AFF3: variants seen among roughly 807,000 people sequenced by gnomAD.
AFF3 encodes the protein ALF transcription elongation factor 3, also known as AF4/FMR2 family member 3.
AFF3 carries 32 observed loss-of-function variants against 129.7 expected under a neutral mutation model. That is an observed-to-expected ratio of 0.25 (90% CI 0.19 to 0.33). The LOEUF (loss-of-function observed/expected upper bound fraction) is 0.33. AFF3 is among the 10% of genes least tolerant of loss of function. The pLI, the probability that AFF3 is intolerant of heterozygous loss-of-function variation, is 1.00. For missense variants in AFF3, 1,373 were observed against 1,592.0 expected (o/e 0.86, Z 2.34); for synonymous variants, 644 against 635.4 (o/e 1.01, Z -0.20).
chr2:99,866,957 C>T lies in AFF3; in HGVS notation c.874-29433G>A, dbSNP rs188027368. Among the ~76,000 whole-genome samples the T allele has an allele frequency of 1.8e-3, 229 of 130,084 alleles. 1 individual carries two copies. The highest frequency in any genetic ancestry group is 6.6e-3 in the African/African-American group (212 of 32,192). 85.3% of individuals were successfully genotyped at this position (130,084 alleles called of 152,430 possible). On this transcript the variant is annotated intron_variant, in intron 7 of 24. Coordinates refer to ENST00000672756, the MANE Select transcript of AFF3 (RefSeq NM_001386135.1). Reference sequence around the variant, plus strand: ...CACCACTGCACTCCAGCCTGGGTAACACAGCATAATAATAATAATAATAAT... The same window carrying T: ...CACCACTGCACTCCAGCCTGGGTAATACAGCATAATAATAATAATAATAAT...
intron 7 of AFF3, among the ~76,000 whole-genome samples, chr2:99,840,588 T>A: frequency 6.6e-6 from 1 of 152,320 alleles, no homozygotes; most frequent in East Asian, 1.9e-4. Context: ...TCACACCCTT[T>A]CCTATACTCA....
chr2:99,727,757 T>G (rs1310548607), intron 10 of AFF3, among the ~76,000 whole-genome samples: 1 of 152,126 alleles, frequency 6.6e-6, no homozygotes, highest in African/African-American at 2.4e-5. Flanking sequence ...AGACAGGGTT[T>G]CACCATGTTG....
chr2:100,093,794 C>T lies in AFF3; in HGVS notation c.53+10608G>A, dbSNP rs150137595. Among the ~76,000 whole-genome samples, 1,424 of 152,282 alleles carry T rather than the reference C, an allele frequency of 9.4e-3. 25 individuals are homozygous for T. Among genetic ancestry groups the T allele is most frequent in the African/African-American group, 0.032 (1,341 of 41,568 alleles). On this transcript the variant is annotated intron_variant, in intron 4 of 24. Transcript: ENST00000672756. Reference sequence around the variant, plus strand: ...CTGGGCTCTACAATATGCCGCCGCACGTGATGATCACTGGTGCTCAGGCAG... The same window carrying T: ...CTGGGCTCTACAATATGCCGCCGCATGTGATGATCACTGGTGCTCAGGCAG...
In AFF3 at chr2:99,962,757, T is replaced by A. The variant is rs540474160; in HGVS notation, c.873+43875A>T. On this transcript the variant is annotated intron_variant, in intron 7 of 24. Coordinates refer to ENST00000672756, the MANE Select transcript of AFF3 (RefSeq NM_001386135.1). ...TCTCATTTGTCTTTTCCGTTTTTTT[T>A]AAATATTAGCAACATCCACACTGAT... Among the ~76,000 whole-genome samples the A allele has an allele frequency of 9.2e-5, 14 of 151,488 alleles. No homozygotes were observed. The South Asian group carries it at 2.1e-3, about 23-fold the overall frequency.
chr2:99,889,256 G>A (rs1452903888), intron 7 of AFF3, among the ~76,000 whole-genome samples: 1 of 152,138 alleles, frequency 6.6e-6, no homozygotes, highest in African/African-American at 2.4e-5. Flanking sequence ...CCTTCAGTCA[G>A]TCTCCTGAGC....
At position 99,687,880 on chromosome 2, in the gene AFF3, T is replaced by C. The variant is rs186892407; in HGVS notation, c.1092-15291A>G. Reference sequence around the variant, plus strand: ...GTCCATTTGAAATGGAGTCTTGCTGTCACCCAGGCTGGAGTGCAGCGGCGT... The same window carrying C: ...GTCCATTTGAAATGGAGTCTTGCTGCCACCCAGGCTGGAGTGCAGCGGCGT... On this transcript the variant is annotated intron_variant, in intron 11 of 24. Coordinates refer to ENST00000672756, the MANE Select transcript of AFF3 (RefSeq NM_001386135.1). Among the ~76,000 whole-genome samples the C allele has an allele frequency of 1.8e-3, 270 of 152,316 alleles. 2 individuals are homozygous for C. The highest frequency in any genetic ancestry group is 0.01 in the Middle Eastern group (3 of 294).
chr2:99,571,822 A>C (rs1410681217), intron 18 of AFF3, among the ~76,000 whole-genome samples: 1 of 152,230 alleles, frequency 6.6e-6, no homozygotes, highest in African/African-American at 2.4e-5. Context: ...CCCAGTGTCC[A>C]GCCTTGCCAC....
chr2:99,975,519 T>C (rs1678786851), intron 7 of AFF3, among the ~76,000 whole-genome samples: 1 of 152,192 alleles, frequency 6.6e-6, no homozygotes, highest in Admixed American at 6.5e-5. Context: ...CTATGACATT[T>C]TGCCAATCAA....
chr2:99,954,220 CAA>C (rs368941309), intron 7 of AFF3, among the ~76,000 whole-genome samples: 3 of 144,690 alleles, frequency 2.1e-5, no homozygotes, highest in African/African-American at 7.6e-5. Flanking sequence ...ATGCATGGTA[CAA>C]AAAAAAAACC....
chr2:99,601,703 C>T (rs1487154254), intron 13 of AFF3, 82 bp from the exon 14 acceptor site: 12 of 1,494,688 alleles, frequency 8.0e-6, no homozygotes, highest in South Asian at 1.3e-5. Context: ...AGCTGTCATG[C>T]ACCCTAAAGA....
At chr2:99,649,995 C>T (rs573620087) in intron 12 of AFF3, among the ~76,000 whole-genome samples, 28 of 152,342 alleles carry the variant, frequency 1.8e-4, no homozygotes, top group Admixed American at 1.8e-3. Flanking sequence ...TCTGAAATCA[C>T]TTTCCCATTG....
intron 13 of AFF3, among the ~76,000 whole-genome samples, chr2:99,634,463 T>C (rs1206313535): frequency 6.6e-6 from 1 of 152,170 alleles, no homozygotes; most frequent in African/African-American, 2.4e-5. Context: ...CACTTCCTCA[T>C]TGAGGCAAGG....
intron 4 of AFF3, among the ~76,000 whole-genome samples, chr2:100,051,884 A>C (rs555621184): frequency 6.6e-6 from 1 of 152,372 alleles, no homozygotes; most frequent in Non-Finnish European, 1.5e-5. Flanking sequence ...TGATCAATTA[A>C]AGCCAAGATC....
intron 4 of AFF3, among the ~76,000 whole-genome samples, chr2:100,035,231 T>C (rs1404844083): frequency 6.6e-6 from 1 of 152,200 alleles, no homozygotes; most frequent in Non-Finnish European, 1.5e-5. Flanking sequence ...ACCAACTCTG[T>C]CAAAACAAGG....
At position 99,668,763 on chromosome 2, in the gene AFF3, T is replaced by C. The variant is rs972629206; in HGVS notation, c.1143+3775A>G. 1.5e-4 allele frequency among the ~76,000 whole-genome samples: 23 copies of C among 152,134 alleles called. No individual in the cohort carries two copies. The Middle Eastern group carries it at 0.01, about 67-fold the overall frequency. ...TTTTGGTAGAGAGGGGGTTTCTTCA[T>C]GTTGGTCAGGCTGGTCTTGAACTCC... On this transcript the variant is annotated intron_variant, in intron 12 of 24. Coordinates refer to ENST00000672756, the MANE Select transcript of AFF3 (RefSeq NM_001386135.1).
At chr2:99,677,472 C>A (rs1249248515) in intron 11 of AFF3, among the ~76,000 whole-genome samples, 1 of 152,060 alleles carries the variant, frequency 6.6e-6, no homozygotes, top group Non-Finnish European at 1.5e-5. Context: ...TGCGATTAAG[C>A]GATTGAGATT....
At chr2:99,908,297 C>G (rs1046899580) in intron 7 of AFF3, among the ~76,000 whole-genome samples, 5 of 152,068 alleles carry the variant, frequency 3.3e-5, no homozygotes, top group Non-Finnish European at 7.4e-5. Context: ...AAACTGGATC[C>G]CTTCCTTACA....
chr2:99,593,720 G>A lies in AFF3; in HGVS notation c.1941C>T (p.Cys647=). Residue 647 remains cysteine (C), a synonymous_variant, in exon 15 of 25, where the codon TGC becomes TGT. Coordinates refer to ENST00000672756, the MANE Select transcript of AFF3 (RefSeq NM_001386135.1). ...TTAGCCCCCGCGTGCGGCGCTTCTC[G>A]CAGGTCACGGAGGAGCGCAGCTCCT... is the stretch of plus-strand genomic sequence containing the variant. ...HRKELRSSVT[C]EKRRTRGLSR... 1 of 1,611,076 alleles carries A rather than the reference G, an allele frequency of 6.2e-7. No homozygotes were observed. Among genetic ancestry groups the A allele is most frequent in the East Asian group, 2.2e-5 (1 of 44,806 alleles).
At chr2:99,657,552 G>A (rs550091652) in intron 12 of AFF3, among the ~76,000 whole-genome samples, 10 of 152,274 alleles carry the variant, frequency 6.6e-5, no homozygotes, top group Non-Finnish European at 1.3e-4. Flanking sequence ...AGGTAACCTC[G>A]GGGATGACAA....
Sources: allele counts gnomAD v4.1 joint callset (sites outside exome capture counted in the v4.1 genomes callset), GRCh38; gene constraint gnomAD v4.1.1; transcripts MANE v1.5; gene names NCBI Gene and HGNC (gene_info 2026-07-23, HGNC 2026-07-21).